HVCN1: variants seen among roughly 807,000 people sequenced by gnomAD.
HVCN1 encodes hydrogen voltage gated channel 1.
Under a neutral mutation model 29.2 loss-of-function variants are expected in HVCN1, and 14 were observed. The ratio of observed to expected loss-of-function variants is 0.48; its 90% CI spans 0.32 to 0.75. HVCN1 has a LOEUF of 0.75. HVCN1 is among the 30% of genes least tolerant of loss of function. HVCN1 has a pLI of 0.04. For synonymous variants in HVCN1, 131 were observed against 133.2 expected (o/e 0.98, Z 0.11); for missense variants, 263 against 341.8 (o/e 0.77, Z 1.82).
intron 2 of HVCN1, among the ~76,000 whole-genome samples, chr12:110,697,831 T>C (rs2069516864): frequency 6.6e-6 from 1 of 152,054 alleles, no homozygotes. Context: ...TTTGTATTTT[T>C]AGTAGAGATG....
chr12:110,682,733 G>A (rs1593523429), intron 3 of HVCN1: 1 of 163,022 alleles, frequency 6.1e-6, no homozygotes, highest in Admixed American at 5.9e-5. Context: ...TTGTGCCTAA[G>A]GACACATAGT....
At chr12:110,697,067 G>A (rs1384423917) in intron 2 of HVCN1, among the ~76,000 whole-genome samples, 2 of 152,008 alleles carry the variant, frequency 1.3e-5, no homozygotes, top group South Asian at 2.1e-4. Flanking sequence ...GCAGAGCACC[G>A]GAGTGCACTG....
At chr12:110,696,841 A>G (rs1175238904) in intron 2 of HVCN1, among the ~76,000 whole-genome samples, 2 of 152,196 alleles carry the variant, frequency 1.3e-5, no homozygotes, top group Non-Finnish European at 2.9e-5. Context: ...TGGTTTGATT[A>G]AAAAAGATAA....
intron 1 of HVCN1, among the ~76,000 whole-genome samples, chr12:110,703,905 G>A (rs887596890): frequency 6.6e-6 from 1 of 152,066 alleles, no homozygotes. Flanking sequence ...GGCTTCTCTC[G>A]AACTCCTAGC....
At chr12:110,678,200 G>C (rs777216907) in intron 3 of HVCN1, among the ~76,000 whole-genome samples, 1 of 152,116 alleles carries the variant, frequency 6.6e-6, no homozygotes, top group African/African-American at 2.4e-5. Flanking sequence ...TCCAACCCAG[G>C]CTGCCAAGCC....
chr12:110,662,637 G>A (rs945633315), intron 3 of HVCN1, among the ~76,000 whole-genome samples: 1 of 152,178 alleles, frequency 6.6e-6, no homozygotes, highest in Non-Finnish European at 1.5e-5. Context: ...GCTGGGAGGC[G>A]TGGGTTGCAG....
Position 110,651,207 on chromosome 12 carries a change from G to A in HVCN1, c.643+10C>T, listed in dbSNP as rs2136242152. 1 of 1,599,188 alleles carries A rather than the reference G, an allele frequency of 6.3e-7. No homozygotes were observed. Among genetic ancestry groups the A allele is most frequent in the East Asian group, 2.2e-5 (1 of 44,812 alleles). On this transcript the variant is annotated intron_variant, in intron 6 of 7. Transcript: ENST00000242607. Reference sequence around the variant, plus strand: ...TCTCCATCCACAGCCTGGGAGTGCAGGAGACGTACCATTGATGATCCGGGC... The same window carrying A: ...TCTCCATCCACAGCCTGGGAGTGCAAGAGACGTACCATTGATGATCCGGGC...
chr12:110,668,684 A>T (rs922006911), intron 3 of HVCN1, among the ~76,000 whole-genome samples: 2 of 152,152 alleles, frequency 1.3e-5, no homozygotes, highest in African/African-American at 4.8e-5. Context: ...TTATAACCCC[A>T]AAAGTCTACA....
At chr12:110,657,265 G>A (rs567235714) in intron 4 of HVCN1, among the ~76,000 whole-genome samples, 29 of 152,190 alleles carry the variant, frequency 1.9e-4, no homozygotes, top group African/African-American at 6.7e-4. Flanking sequence ...AGGCAGAGGC[G>A]GGCAGATCAC....
chr12:110,704,246 C>T (rs1227731675), intron 1 of HVCN1, among the ~76,000 whole-genome samples: 1 of 152,092 alleles, frequency 6.6e-6, no homozygotes, highest in Admixed American at 6.5e-5. Flanking sequence ...TTGTGTGGCT[C>T]TTAAGAAGAA....
rs1292657645 is a variant in HVCN1, at chr12:110,658,335, T to G, written c.306+2829A>C. Among the ~76,000 whole-genome samples the G allele has an allele frequency of 1.3e-5, 2 of 151,964 alleles. No individual in the cohort carries two copies. The highest frequency in any genetic ancestry group is 6.6e-5 in the Admixed American group (1 of 15,250). On this transcript the variant is annotated intron_variant, in intron 4 of 7. Transcript: ENST00000242607. The surrounding 1 kb of genome is among the most constrained non-coding windows in gnomAD (Gnocchi z 5.0). ...ACAACCCCTGAGCCTCACCACCTACTCCAGTGTGGCCTCACTGCTGCCACC... is the reference window on the plus strand; with the variant it reads ...ACAACCCCTGAGCCTCACCACCTACGCCAGTGTGGCCTCACTGCTGCCACC...
chr12:110,649,043 A>G lies in HVCN1; in HGVS notation c.*367T>C, dbSNP rs753467272. Reference sequence around the variant, plus strand: ...AGTAGCTTCTTTTTCTTTCTTTCAGAATGCTCAGATGCATCAGTTCCTTAA... The same window carrying G: ...AGTAGCTTCTTTTTCTTTCTTTCAGGATGCTCAGATGCATCAGTTCCTTAA... On this transcript the variant is annotated 3_prime_UTR_variant, in exon 8 of 8. Coordinates refer to ENST00000242607, the MANE Select transcript of HVCN1 (RefSeq NM_032369.4). The G allele has an allele frequency of 2.0e-5, 10 of 510,208 alleles. No homozygotes were observed. The highest frequency in any genetic ancestry group is 6.4e-5 in the South Asian group (4 of 62,662). The allele number at this position is 510,208 out of a possible 1,614,324, so 31.6% of individuals were successfully genotyped here. A position where few individuals can be genotyped will look rare whatever the true frequency, so the allele number is the denominator to read the frequency against.
Position 110,650,242 on chromosome 12 carries a change from G to A in HVCN1, c.682C>T (p.Leu228Phe). The A allele has an allele frequency of 6.2e-7, 1 of 1,613,322 alleles. No individual in the cohort carries two copies. The highest frequency in any genetic ancestry group is 8.5e-7 in the Non-Finnish European group (1 of 1,179,346). The change falls in exon 7 of 8, where the codon CTC becomes TTC. Residue 228 changes from leucine (L) to phenylalanine (F), a missense_variant. Coordinates refer to ENST00000242607, the MANE Select transcript of HVCN1 (RefSeq NM_032369.4). ...ISVKTRSERQ[L>F]LRLKQMNVQL... is the part of the protein sequence containing the mutation. ...ACATTCATCTGTTTTAACCTTAAGA[G>A]TTGCCGTTCTGAACGTGTCTTAACT...
chr12:110,650,173 C>CA lies in HVCN1; in HGVS notation c.750dup (p.Glu251Ter). Reference sequence around the variant, plus strand: ...AGATGTGTCGTCTTTCTTACCTTCTCAGAGCAGCTGAACTCAAGGTGTTGA... The same window carrying CA: ...AGATGTGTCGTCTTTCTTACCTTCTCAAGAGCAGCTGAACTCAAGGTGTTGA... On this transcript the variant is annotated frameshift_variant, in exon 7 of 8. Coordinates refer to ENST00000242607, the MANE Select transcript of HVCN1 (RefSeq NM_032369.4). LOFTEE classifies it high-confidence loss of function. 2 of 1,606,264 alleles carry CA rather than the reference C, an allele frequency of 1.2e-6. No homozygotes were observed. Among genetic ancestry groups the CA allele is most frequent in the Non-Finnish European group, 1.7e-6 (2 of 1,172,938 alleles).
At chr12:110,667,068 C>T (rs1022171245) in intron 3 of HVCN1, among the ~76,000 whole-genome samples, 1 of 152,160 alleles carries the variant, frequency 6.6e-6, no homozygotes, top group Admixed American at 6.5e-5. Context: ...CCAAACATCT[C>T]TGGACTCCCA....
chr12:110,657,644 GAAAC>G (rs1481816246), intron 4 of HVCN1, among the ~76,000 whole-genome samples: 1 of 151,668 alleles, frequency 6.6e-6, no homozygotes, highest in East Asian at 1.9e-4. Context: ...ATTTAAAAAA[GAAAC>G]AATGCAAAAG....
chr12:110,651,805 G>C (rs946294166), intron 5 of HVCN1, among the ~76,000 whole-genome samples: 4 of 152,236 alleles, frequency 2.6e-5, no homozygotes. Context: ...CCATTAGACA[G>C]AAATGTCCAT....
intron 3 of HVCN1, among the ~76,000 whole-genome samples, chr12:110,671,946 A>G (rs1264336383): frequency 1.3e-5 from 2 of 152,320 alleles, no homozygotes; most frequent in East Asian, 3.9e-4. Context: ...ACATTTTGGC[A>G]GGGTGACAGA....
At chr12:110,683,959 A>G (rs986924322) in intron 2 of HVCN1, among the ~76,000 whole-genome samples, 18 of 151,604 alleles carry the variant, frequency 1.2e-4, no homozygotes, top group Non-Finnish European at 2.2e-4. Flanking sequence ...TAAAGTATTG[A>G]TACTTATTAC....
Sources: gnomAD v4.1 joint callset for allele counts (sites outside exome capture counted in the v4.1 genomes callset) on GRCh38, gnomAD v4.1.1 for gene constraint, Gnocchi (gnomAD v3.1) non-coding constraint, MANE v1.5 for transcripts, NCBI Gene and HGNC (gene_info 2026-07-23, HGNC 2026-07-21) for gene names.